Variants in SLC12A8 observed in about 807,000 individuals in gnomAD.
The protein encoded by SLC12A8 is solute carrier family 12 member 8.
SLC12A8 carries 69 observed loss-of-function variants against 75.6 expected under a neutral mutation model. The observed-to-expected ratio is 0.91, with a 90% CI of 0.75 to 1.11. The LOEUF is 1.11. Among genes scored for constraint, SLC12A8 ranks in the 50% most tolerant of loss-of-function variants. The pLI is 0.00. For synonymous variants in SLC12A8, 365 were observed against 372.8 expected (o/e 0.98, Z 0.24); for missense variants, 877 against 896.7 (o/e 0.98, Z 0.28).
intron 4 of SLC12A8, among the ~76,000 whole-genome samples, chr3:125,182,785 C>T (rs559301854): frequency 1.2e-4 from 18 of 152,128 alleles, no homozygotes; most frequent in Non-Finnish European, 5.9e-5. Flanking sequence ...GGATTACAGG[C>T]GTGAGCCACC....
chr3:125,107,802 T>C lies in SLC12A8; in HGVS notation c.1384A>G (p.Met462Val), dbSNP rs781432711. The change falls in exon 10 of 14, where the codon ATG becomes GTG. Residue 462 changes from methionine to valine, a missense_variant. Coordinates refer to ENST00000469902, the MANE Select transcript of SLC12A8 (RefSeq NM_024628.6). The stretch of plus-strand genomic sequence containing the variant: ...CTGGTTAGCTGGAGGAGCTGATCCA[T>C]GTCCTTGGTGAATTCCAGTAGCGTG... ...EGTLLEFTKD[M>V]DQLLQLTRKL... 5 of 1,614,048 alleles carry C rather than the reference T, an allele frequency of 3.1e-6. No individual in the cohort carries two copies. The African/African-American group carries it at 5.3e-5, about 17-fold the overall frequency.
At chr3:125,090,728 TAG>T (rs1938562282) in intron 12 of SLC12A8, among the ~76,000 whole-genome samples, 2 of 152,378 alleles carry the variant, frequency 1.3e-5, no homozygotes, top group East Asian at 3.9e-4. Flanking sequence ...AATGTTAATA[TAG>T]CTACCCTGCT....
chr3:125,147,029 G>T (rs1277823387), intron 5 of SLC12A8, among the ~76,000 whole-genome samples: 1 of 152,190 alleles, frequency 6.6e-6, no homozygotes, highest in South Asian at 2.1e-4. Context: ...GGAATCCTTG[G>T]GGTTTTACTC....
At chr3:125,127,178 C>T (rs1191418365) in intron 6 of SLC12A8, among the ~76,000 whole-genome samples, 1 of 152,230 alleles carries the variant, frequency 6.6e-6, no homozygotes, top group Non-Finnish European at 1.5e-5. Context: ...AACCCCATTC[C>T]TTTCCCATAC....
At chr3:125,121,214 T>C (rs115066938) in intron 6 of SLC12A8, among the ~76,000 whole-genome samples, 43 of 152,354 alleles carry the variant, frequency 2.8e-4, no homozygotes, top group African/African-American at 8.9e-4. Context: ...GCCACTGACA[T>C]GGAGTCACAA....
intron 2 of SLC12A8, among the ~76,000 whole-genome samples, chr3:125,201,719 AAAAG>A (rs1470139555): frequency 3.3e-5 from 5 of 151,818 alleles, no homozygotes; most frequent in Admixed American, 6.6e-5. Context: ...AAAAAAAAAA[AAAAG>A]AAGCATCAAA....
intron 5 of SLC12A8, among the ~76,000 whole-genome samples, chr3:125,142,545 G>A (rs1202054368): frequency 1.3e-5 from 2 of 152,252 alleles, no homozygotes; most frequent in African/African-American, 4.8e-5. Context: ...GGTGGAGGAA[G>A]GCAAGAACAG....
At chr3:125,170,145 A>G (rs944688175) in intron 5 of SLC12A8, among the ~76,000 whole-genome samples, 8 of 152,272 alleles carry the variant, frequency 5.3e-5, no homozygotes, top group Non-Finnish European at 1.2e-4. Context: ...AGCCTCTTCA[A>G]TATTTTCCAA....
At chr3:125,137,632 T>C (rs1231573742) in intron 5 of SLC12A8, among the ~76,000 whole-genome samples, 2 of 152,226 alleles carry the variant, frequency 1.3e-5, no homozygotes, top group East Asian at 3.9e-4. Flanking sequence ...TCATCAGGCA[T>C]ATTCATCTCC....
chr3:125,112,824 TTC>T (rs1199115245), intron 8 of SLC12A8, among the ~76,000 whole-genome samples: 4 of 152,180 alleles, frequency 2.6e-5, no homozygotes, highest in Admixed American at 2.0e-4. Context: ...CACCCAGAGA[TTC>T]TGATTTAATT....
intron 5 of SLC12A8, among the ~76,000 whole-genome samples, chr3:125,159,400 G>A (rs116059701): frequency 0.016 from 2,490 of 152,126 alleles, 61 homozygotes; most frequent in African/African-American, 0.057. Flanking sequence ...CCATTAAAGA[G>A]ATTTTTAAAA....
intron 6 of SLC12A8, among the ~76,000 whole-genome samples, chr3:125,129,138 A>G (rs1026973063): frequency 9.9e-5 from 15 of 152,230 alleles, no homozygotes; most frequent in African/African-American, 3.6e-4. Flanking sequence ...GTGGCCAAAG[A>G]GGCCCTTATC....
At chr3:125,202,414 C>T (rs1252469936) in intron 2 of SLC12A8, among the ~76,000 whole-genome samples, 2 of 152,336 alleles carry the variant, frequency 1.3e-5, no homozygotes, top group South Asian at 2.1e-4. Flanking sequence ...AGAGTAAAAG[C>T]ACCACCTAAT....
rs531174163 is a variant in SLC12A8, at chr3:125,182,335, T to A, written c.391-4361A>T. 2.5e-4 allele frequency among the ~76,000 whole-genome samples: 38 copies of A among 151,484 alleles called. No individual in the cohort carries two copies. The South Asian group carries it at 7.5e-3, about 30-fold the overall frequency. ...GACTGAGACCCTGTCTCAAAAAAAA[T>A]TAAAAAAAGAATGAATGGAGAATAG... On this transcript the variant is annotated intron_variant, in intron 4 of 13. Transcript: ENST00000469902.
At chr3:125,092,221 G>T (rs1938599059) in intron 10 of SLC12A8, 23 bp from the exon 11 acceptor site, 3 of 1,561,924 alleles carry the variant, frequency 1.9e-6, no homozygotes. Flanking sequence ...CAAAGATTTG[G>T]CTGCCAAATT....
At chr3:125,152,403 T>C (rs973678605) in intron 5 of SLC12A8, among the ~76,000 whole-genome samples, 10 of 152,264 alleles carry the variant, frequency 6.6e-5, no homozygotes, top group Admixed American at 3.9e-4. Flanking sequence ...CTGTTTGAAT[T>C]TGTTATTTTA....
chr3:125,192,211 G>A (rs954475282), intron 2 of SLC12A8, among the ~76,000 whole-genome samples: 3 of 152,094 alleles, frequency 2.0e-5, no homozygotes, highest in Non-Finnish European at 2.9e-5. Flanking sequence ...AGTGCCATCA[G>A]CTTCCACAGG....
chr3:125,150,132 G>A (rs757867655), intron 5 of SLC12A8, among the ~76,000 whole-genome samples: 4 of 152,146 alleles, frequency 2.6e-5, no homozygotes, highest in Non-Finnish European at 5.9e-5. Context: ...TATTCTAGAA[G>A]CTCCACTCTG....
At chr3:125,176,165 C>A (rs1934522573) in intron 5 of SLC12A8, among the ~76,000 whole-genome samples, 1 of 152,164 alleles carries the variant, frequency 6.6e-6, no homozygotes, top group Non-Finnish European at 1.5e-5. Context: ...GACAGCATAT[C>A]ATCGTGCAAA....
Sources: allele counts gnomAD v4.1 joint callset (sites outside exome capture counted in the v4.1 genomes callset), GRCh38; gene constraint gnomAD v4.1.1; transcripts MANE v1.5; gene names NCBI Gene and HGNC (gene_info 2026-07-23, HGNC 2026-07-21).